TONSL: variants seen among roughly 807,000 people sequenced by gnomAD.
The protein encoded by TONSL is tonsoku like, DNA repair protein.
TONSL carries 112 observed loss-of-function variants against 147.1 expected under a neutral mutation model. The observed-to-expected ratio is 0.76, with a 90% CI of 0.65 to 0.89. TONSL has a LOEUF of 0.89. Among genes scored for constraint, TONSL ranks in the 40% least tolerant of loss-of-function variants. TONSL has a pLI of 0.00. For synonymous variants in TONSL, 868 were observed against 801.5 expected, an observed-to-expected ratio of 1.08 and a Z score of -1.40; for missense variants, 1,883 against 1,864.6, an observed-to-expected ratio of 1.01 and a Z score of -0.18.
intron 24 of TONSL, 85 bp downstream of exon 24, chr8:144,430,993 A>G (rs901228611): frequency 2.2e-5 from 32 of 1,471,878 alleles, no homozygotes; most frequent in Non-Finnish European, 2.7e-5. Flanking sequence ...AGGAGCTGGT[A>G]CCATTTCTGT....
At position 144,438,387 on chromosome 8, in the gene TONSL, G is replaced by C. The variant is rs554514330; in HGVS notation, c.1653+84C>G. On this transcript the variant is annotated intron_variant, in intron 13 of 25. Transcript: ENST00000409379. ...CCCATTTTGAAGATGAGGAAGTTGAGAGTTACAGAGATAGGGGATCCGGCA... is the reference window on the plus strand; with the variant it reads ...CCCATTTTGAAGATGAGGAAGTTGACAGTTACAGAGATAGGGGATCCGGCA... 3 of 1,437,556 alleles carry C rather than the reference G, an allele frequency of 2.1e-6. No homozygotes were observed. In the African/African-American group the frequency reaches 4.2e-5, roughly 20 times the overall value. The allele number at this position is 1,437,556 out of a possible 1,614,324, so 89.1% of individuals were successfully genotyped here.
chr8:144,440,830 C>T lies in TONSL; in HGVS notation c.1052G>A (p.Arg351Gln), dbSNP rs765471510. 1.5e-5 allele frequency: 24 copies of T among 1,612,804 alleles called. No individual in the cohort carries two copies. The highest frequency in any genetic ancestry group is 1.9e-5 in the Non-Finnish European group (23 of 1,179,976). ...AELLDRPGAE[R>Q]AIIHVSLATT... is the part of the protein sequence containing the mutation. Reference sequence around the variant, plus strand: ...GGCCAGGGACACGTGGATGATGGCCCGCTCAGCACCCGGTCTGTCCAGCAG... The same window carrying T: ...GGCCAGGGACACGTGGATGATGGCCTGCTCAGCACCCGGTCTGTCCAGCAG... Residue 351 changes from arginine (R) to glutamine (Q), a missense_variant, in exon 9 of 26, where the codon CGG becomes CAG. By Grantham distance (43) the Arg-to-Gln change is conservative. Transcript: ENST00000409379.
In TONSL at chr8:144,432,427, T is replaced by C. The variant is rs782800860; in HGVS notation, c.3593A>G (p.Tyr1198Cys). The change falls in exon 23 of 26, where the codon TAC becomes TGC. Residue 1198 changes from tyrosine (Y) to cysteine (C), a missense_variant. Coordinates refer to ENST00000409379, the MANE Select transcript of TONSL (RefSeq NM_013432.5). ...AEHLKTLSLS[Y>C]NALGAPALAR... is the part of the protein sequence containing the mutation. ...CAGGGCAGGGGCTCCCAGGGCGTTG[T>C]AGGACAGGGACAGGGTCTTCAGGTG... 6.3e-7 allele frequency: 1 copy of C among 1,580,328 alleles called. No homozygotes were observed. Among genetic ancestry groups the C allele is most frequent in the South Asian group, 1.2e-5 (1 of 86,400 alleles).
Position 144,435,705 on chromosome 8 carries a change from T to A in TONSL, c.2728A>T (p.Arg910Trp), listed in dbSNP as rs1299188767. 6.2e-7 allele frequency: 1 copy of A among 1,611,692 alleles called. No individual in the cohort carries two copies. Among genetic ancestry groups the A allele is most frequent in the Non-Finnish European group, 8.5e-7 (1 of 1,179,066 alleles). Residue 910 changes from arginine to tryptophan, a missense_variant, in exon 17 of 26, where the codon AGG becomes TGG. By Grantham distance (101) the Arg-to-Trp change is moderately radical. Coordinates refer to ENST00000409379, the MANE Select transcript of TONSL (RefSeq NM_013432.5). Reference protein sequence around the residue: ...SEPPGSPSTPRVSEPSGDSSA... With the variant: ...SEPPGSPSTPWVSEPSGDSSA... Reference sequence around the variant, plus strand: ...CTGTCCCCACTGGGCTCTGAGACCCTGGGGGTGCTGGGGCTCCCTGGAGGT... The same window carrying A: ...CTGTCCCCACTGGGCTCTGAGACCCAGGGGGTGCTGGGGCTCCCTGGAGGT...
chr8:144,440,456 G>A lies in TONSL; in HGVS notation c.1185C>T (p.Asn395=), dbSNP rs2129680372. The A allele has an allele frequency of 6.2e-7, 1 of 1,602,986 alleles. No individual in the cohort carries two copies. Among genetic ancestry groups the A allele is most frequent in the Non-Finnish European group, 8.5e-7 (1 of 1,173,214 alleles). Residue 395 remains asparagine, a synonymous_variant, in exon 10 of 26, where the codon AAC becomes AAT. Coordinates refer to ENST00000409379, the MANE Select transcript of TONSL (RefSeq NM_013432.5). The stretch of plus-strand genomic sequence containing the variant: ...CGGCCTCCTCGCGGGACAGTGCAAT[G>A]TTCAGCCAGGTCTTGGCCTCCTGGA... The part of the protein sequence containing the change: ...NVLEEAKTWL[N]IALSREEAGD...
In TONSL at chr8:144,444,018, T is replaced by C. The variant is rs1823815057; in HGVS notation, c.128A>G (p.Tyr43Cys). The change falls in exon 3 of 26, where the codon TAC (tyrosine) becomes TGC (cysteine). Residue 43 changes from tyrosine (Y) to cysteine (C), a missense_variant. Transcript: ENST00000409379. The stretch of plus-strand genomic sequence containing the variant: ...CCAGTGCTGCTCCAGAGCCTCGGCG[T>C]AGCGGCCTAGGCGGGGGCACAGCAC... Reference protein sequence around the residue: ...LGELLAGHGRYAEALEQHWQE... With the variant: ...LGELLAGHGRCAEALEQHWQE... 6.5e-7 allele frequency: 1 copy of C among 1,536,366 alleles called. No homozygotes were observed. Among genetic ancestry groups the C allele is most frequent in the African/African-American group, 1.4e-5 (1 of 72,982 alleles).
chr8:144,437,209 G>A (rs1272192620), intron 13 of TONSL, 110 bp from the exon 14 acceptor site: 2 of 1,096,338 alleles, frequency 1.8e-6, no homozygotes, highest in East Asian at 2.6e-5. Flanking sequence ...TTAGAGCCCA[G>A]AGCAAGTCCG....
At chr8:144,435,197 C>T in intron 18 of TONSL, 27 bp from the exon 19 acceptor site, 2 of 1,480,714 alleles carry the variant, frequency 1.4e-6, no homozygotes, top group Non-Finnish European at 1.8e-6. Flanking sequence ...GCTGCTGCTG[C>T]TGCCTGCACA....
chr8:144,438,091 A>C (rs1205585436), intron 13 of TONSL: 2 of 246,870 alleles, frequency 8.1e-6, no homozygotes, highest in Non-Finnish European at 1.6e-5. Context: ...CTTGGAGACA[A>C]GGTCTTGCCA....
rs1554877749 is a variant in TONSL at position 144,428,796 on chromosome 8, T to TTA, written c.*346_*347insTA. 193 of 130,160 alleles carry TTA rather than the reference T, an allele frequency of 1.5e-3. No individual in the cohort carries two copies. The highest frequency in any genetic ancestry group is 0.01 in the Middle Eastern group (3 of 288). The allele number at this position is 130,160 out of a possible 1,614,324, so 8.1% of individuals were successfully genotyped here. ...GGCAGCAGCTTCATTTATTTTATTT[T>TTA]TTTTTTTTTTTGAGACGGAGTCTCG... On this transcript the variant is annotated 3_prime_UTR_variant, in exon 26 of 26. Transcript: ENST00000409379.
chr8:144,435,538 G>GCGGGGC lies in TONSL; in HGVS notation c.2782_2787dup (p.Ala928_Pro929dup), dbSNP rs1308133035. 2 of 1,551,608 alleles carry GCGGGGC rather than the reference G, an allele frequency of 1.3e-6. No homozygotes were observed. The highest frequency in any genetic ancestry group is 1.7e-6 in the Non-Finnish European group (2 of 1,147,230). On this transcript the variant is annotated inframe_insertion, in exon 18 of 26. Transcript: ENST00000409379. The stretch of plus-strand genomic sequence containing the variant: ...TGAACTCGAACCCGGATGGGAGGGG[G>GCGGGGC]CGGGGCCGGACCCTGGCAGGTGAAG...
At position 144,440,009 on chromosome 8, in the gene TONSL, G is replaced by T. The variant is rs540192745; in HGVS notation, c.1480+12C>A. 3.9e-6 allele frequency: 4 copies of T among 1,030,308 alleles called. No homozygotes were observed. The highest frequency in any genetic ancestry group is 2.5e-5 in the South Asian group (2 of 79,332). 63.8% of individuals were successfully genotyped at this position (1,030,308 alleles called of 1,614,324 possible). A position where few individuals can be genotyped will look rare whatever the true frequency, so the allele number is the denominator to read the frequency against. On this transcript the variant is annotated intron_variant, in intron 11 of 25. Coordinates refer to ENST00000409379, the MANE Select transcript of TONSL (RefSeq NM_013432.5). ...CAGGCCCAGGGAAATGCAAGGTGCC[G>T]CTGGCCCTCACCGCCCTCTGAGAGC... is the stretch of plus-strand genomic sequence containing the variant.
At chr8:144,432,583 G>T in intron 22 of TONSL, 123 bp from the exon 23 acceptor site, 2 of 992,932 alleles carry the variant, frequency 2.0e-6, no homozygotes, top group Non-Finnish European at 2.8e-6. Flanking sequence ...CGCAGGGTGG[G>T]GTGGCAAGTG....
In TONSL at chr8:144,428,896, TCTC is replaced by T. The variant is rs1342931274; in HGVS notation, c.*244_*246del. 1.9e-5 allele frequency: 7 copies of T among 368,568 alleles called. No homozygotes were observed. The highest frequency in any genetic ancestry group is 4.2e-5 in the African/African-American group (2 of 47,362). 22.8% of individuals were successfully genotyped at this position (368,568 alleles called of 1,614,324 possible). The stretch of plus-strand genomic sequence containing the variant: ...GCTCCGCCTCCCGGGTTCACGCCAT[TCTC>T]CTGCCTCAGCCTCCGGAGTAGCTGG... On this transcript the variant is annotated 3_prime_UTR_variant, in exon 26 of 26. Transcript: ENST00000409379.
chr8:144,443,399 T>C, intron 3 of TONSL, 78 bp from the exon 4 acceptor site: 1 of 1,397,692 alleles, frequency 7.2e-7, no homozygotes, highest in Non-Finnish European at 9.7e-7. Context: ...CCAGAGACCC[T>C]GTTCTTGCTA....
chr8:144,433,995 C>T lies in TONSL; in HGVS notation c.3370G>A (p.Gly1124Ser), dbSNP rs1554879318. 1 of 1,592,120 alleles carries T rather than the reference C, an allele frequency of 6.3e-7. No homozygotes were observed. Among genetic ancestry groups the T allele is most frequent in the South Asian group, 1.1e-5 (1 of 88,826 alleles). The change falls in exon 21 of 26, where the codon GGC (glycine) becomes AGC (serine). Residue 1124 changes from glycine to serine, a missense_variant. Gly to Ser is a moderately conservative substitution (Grantham distance 56, BLOSUM62 0). Transcript: ENST00000409379. ...GCCTATACCTGCAAGGTGGCTTGGC[C>T]TGGGAGCCCCATGGCAAGCTGGCGC... ...GLRQLAMGLP[G>S]QATLQSLEEL...
chr8:144,433,845 C>T, intron 21 of TONSL, 86 bp from the exon 22 acceptor site: 20 of 1,479,230 alleles, frequency 1.4e-5, no homozygotes, highest in Non-Finnish European at 1.8e-5. Context: ...GTCTCTTCCC[C>T]ACCTTGCCTG....
chr8:144,444,313 G>C (rs1255821982), intron 1 of TONSL, 38 bp from the exon 2 acceptor site: 1 of 1,343,886 alleles, frequency 7.4e-7, no homozygotes, highest in African/African-American at 1.5e-5. Context: ...TCCGCGGCGG[G>C]GTCCGGGGCC....
chr8:144,432,105 C>T (rs934248515), intron 23 of TONSL, among the ~76,000 whole-genome samples, 180 bp downstream of exon 23: 5 of 152,108 alleles, frequency 3.3e-5, no homozygotes, highest in African/African-American at 4.8e-5. Flanking sequence ...GGATTACAGG[C>T]GTGAGCCACC....
Sources: allele counts gnomAD v4.1 joint callset (sites outside exome capture counted in the v4.1 genomes callset), GRCh38; gene constraint gnomAD v4.1.1; transcripts MANE v1.5; gene names NCBI Gene and HGNC (gene_info 2026-07-23, HGNC 2026-07-21).